The following OTOF variants were observed in gnomAD, a reference collection of about 807,000 sequenced individuals.
OTOF encodes fer-1-like family member 2.
OTOF carries 218 observed loss-of-function variants against 236.8 expected under a neutral mutation model. That is an observed-to-expected ratio of 0.92 (90% CI 0.82 to 1.03). The LOEUF is 1.03. Ranked by LOEUF, OTOF falls within the 50% of genes least tolerant of loss-of-function variation. OTOF has a pLI of 0.00. For missense variants in OTOF, 2,590 were observed against 2,694.4 expected, an observed-to-expected ratio of 0.96 and a Z score of 0.86; for synonymous variants, 1,041 against 1,072.5, an observed-to-expected ratio of 0.97 and a Z score of 0.57.
chr2:26,525,942 C>A (rs1238044950), intron 3 of OTOF, among the ~76,000 whole-genome samples: 1 of 152,042 alleles, frequency 6.6e-6, no homozygotes, highest in Non-Finnish European at 1.5e-5. Context: ...CAAAAATTAG[C>A]TGGGCACGGT....
At chr2:26,468,892 G>C (rs952289422) in intron 32 of OTOF, among the ~76,000 whole-genome samples, 3 of 152,060 alleles carry the variant, frequency 2.0e-5, no homozygotes, top group Non-Finnish European at 4.4e-5. Context: ...TCACACACCG[G>C]GGCCTGTGGT....
chr2:26,543,778 G>A (rs148182385), intron 1 of OTOF, among the ~76,000 whole-genome samples: 5 of 152,234 alleles, frequency 3.3e-5, no homozygotes, highest in South Asian at 4.2e-4. Context: ...GTGCAGTGGC[G>A]TAATCTCCGC....
intron 3 of OTOF, among the ~76,000 whole-genome samples, chr2:26,523,973 G>A (rs1430808258): frequency 6.6e-6 from 1 of 152,208 alleles, no homozygotes; most frequent in Non-Finnish European, 1.5e-5. Context: ...GCTGGCCTGT[G>A]TCAGCCTGGG....
intron 5 of OTOF, among the ~76,000 whole-genome samples, chr2:26,511,225 A>T (rs1666381161): frequency 6.6e-6 from 1 of 152,050 alleles, no homozygotes. Context: ...CCTCTAGGGG[A>T]ACAGTGGGCT....
rs764717002 is a variant in OTOF at position 26,527,878 on chromosome 2, T to A, written c.181A>T (p.Met61Leu). ...TAGTTGAAAACCTGAATCTCCAGCA[T>A]CTCATTTCTGTCGATGCTGCTGGCC... Reference protein sequence around the residue: ...PVASSIDRNEMLEIQVFNYSK... With the variant: ...PVASSIDRNELLEIQVFNYSK... Residue 61 changes from methionine (M) to leucine (L), a missense_variant, in exon 3 of 47, where the codon ATG (methionine) becomes TTG (leucine). Coordinates refer to ENST00000272371, the MANE Select transcript of OTOF (RefSeq NM_194248.3). 6.2e-7 allele frequency: 1 copy of A among 1,614,120 alleles called. No individual in the cohort carries two copies. The highest frequency in any genetic ancestry group is 1.1e-5 in the South Asian group (1 of 91,078).
At chr2:26,480,332 G>A (rs1665498190) in intron 15 of OTOF, 21 bp from the exon 16 acceptor site, 1 of 1,436,872 alleles carries the variant, frequency 7.0e-7, no homozygotes, top group South Asian at 1.1e-5. Context: ...GCAGTTCAAA[G>A]CGTTCCTGAG....
intron 1 of OTOF, among the ~76,000 whole-genome samples, chr2:26,554,130 T>C (rs1441221685): frequency 7.6e-6 from 1 of 131,368 alleles, no homozygotes; most frequent in Non-Finnish European, 1.5e-5. Flanking sequence ...GAGATCGCAC[T>C]GCACTGCACT....
Position 26,473,937 on chromosome 2 carries a change from C to A in OTOF, c.3408+54G>T. On this transcript the variant is annotated intron_variant, in intron 27 of 46. Coordinates refer to ENST00000272371, the MANE Select transcript of OTOF (RefSeq NM_194248.3). The surrounding 1 kb of genome is among the most constrained non-coding windows in gnomAD (Gnocchi z 7.2). ...GGGGGATGACAAGCCACTTCCCCTC[C>A]TGGGTCCTCAGACTCCTCATCCAAA... 2 of 1,610,634 alleles carry A rather than the reference C, an allele frequency of 1.2e-6. No homozygotes were observed. The highest frequency in any genetic ancestry group is 1.7e-6 in the Non-Finnish European group (2 of 1,178,226).
intron 7 of OTOF, 72 bp downstream of exon 7, chr2:26,502,228 C>G (rs1666130094): frequency 2.6e-6 from 4 of 1,563,026 alleles, no homozygotes; most frequent in Non-Finnish European, 3.5e-6. Context: ...TACCCAAATT[C>G]CAATCATGGC....
rs770173408 is a variant in OTOF at position 26,537,670 on chromosome 2, C to T, written c.138+46G>A. 33 of 1,465,698 alleles carry T rather than the reference C, an allele frequency of 2.3e-5. No homozygotes were observed. In the Middle Eastern group the frequency reaches 1.6e-3, roughly 71 times the overall value. The allele number at this position is 1,465,698 out of a possible 1,614,324, so 90.8% of individuals were successfully genotyped here. The stretch of plus-strand genomic sequence containing the variant: ...AGAGGCAGCGAAGGGTGGCTGTTCC[C>T]CTCTGGGCTCAGGGCTGAGGGAGGG... On this transcript the variant is annotated intron_variant, in intron 2 of 46. Transcript: ENST00000272371.
In OTOF at chr2:26,476,147, G is replaced by C; in HGVS notation, c.2847C>G (p.Pro949=). The change falls in exon 23 of 47, where the codon CCC becomes CCG. Residue 949 remains proline, a synonymous_variant. Coordinates refer to ENST00000272371, the MANE Select transcript of OTOF (RefSeq NM_194248.3). ...AQGLGLHAFP[P]VSLVYTKKQA... ...ACTCACTGGTGTAGACCAGGCTGAC[G>C]GGTGGGAAGGCATGCAGGCCCAGGC... 1.2e-6 allele frequency: 2 copies of C among 1,611,190 alleles called. No individual in the cohort carries two copies. The highest frequency in any genetic ancestry group is 1.7e-6 in the Non-Finnish European group (2 of 1,179,438).
In OTOF at chr2:26,466,716, G is replaced by T; in HGVS notation, c.4498C>A (p.Arg1500=). 1 of 1,614,150 alleles carries T rather than the reference G, an allele frequency of 6.2e-7. No homozygotes were observed. The highest frequency in any genetic ancestry group is 8.5e-7 in the Non-Finnish European group (1 of 1,180,010). ...INVLVRVYVV[R]ATDLHPADIN... ...AGGGAAAGCGACGGGAGTCTCACCC[G>T]GACCACATAGACTCGGACCAGCACA... The change falls in exon 36 of 47, where the codon CGG becomes AGG. Residue 1500 remains arginine, a splice_region_variant and synonymous_variant. Transcript: ENST00000272371.
intron 36 of OTOF, chr2:26,466,359 CAG>C (rs1664726490): frequency 1.9e-6 from 1 of 519,188 alleles, no homozygotes; most frequent in African/African-American, 1.9e-5. Context: ...TCCTTTGAGA[CAG>C]AGTCTCGCTC....
chr2:26,474,448 A>G (rs1393577223), intron 26 of OTOF, 65 bp downstream of exon 26: 12 of 512,002 alleles, frequency 2.3e-5, no homozygotes, highest in Non-Finnish European at 3.2e-5. Flanking sequence ...TCCAGCCCCC[A>G]GCCCTAGGCC....
In OTOF at chr2:26,460,701, T is replaced by C; in HGVS notation, c.5759A>G (p.Glu1920Gly). 2.5e-6 allele frequency: 4 copies of C among 1,614,184 alleles called. No homozygotes were observed. Among genetic ancestry groups the C allele is most frequent in the Non-Finnish European group, 3.4e-6 (4 of 1,180,016 alleles). Reference protein sequence around the residue: ...ELHLLTAEEAEKNPVGLARNE... With the variant: ...ELHLLTAEEAGKNPVGLARNE... ...GCGGGCCAGGCCCACTGGGTTCTTC[T>C]CTGCCTCCTCTGCTGTCAGTAAATG... Residue 1920 changes from glutamate to glycine, a missense_variant, in exon 45 of 47, where the codon GAG (glutamate) becomes GGG (glycine). Physicochemically the swap from Glu to Gly is moderately conservative, Grantham distance 98. Around this residue, in one of 2 missense-constraint regions of OTOF, gnomAD observed 1,211 missense variants for 1,352.8 expected, o/e 0.90. Coordinates refer to ENST00000272371, the MANE Select transcript of OTOF (RefSeq NM_194248.3). The surrounding 1 kb of genome is among the most constrained non-coding windows in gnomAD (Gnocchi z 5.3).
At chr2:26,497,956 A>G (rs1558500124) in intron 8 of OTOF, among the ~76,000 whole-genome samples, 1 of 152,146 alleles carries the variant, frequency 6.6e-6, no homozygotes, top group East Asian at 1.9e-4. Context: ...AACCCCATGA[A>G]TTTTTCCACA....
In OTOF at chr2:26,470,253, A is replaced by G. The variant is rs1664912348; in HGVS notation, c.4023+340T>C. 6.6e-6 allele frequency among the ~76,000 whole-genome samples: 1 copy of G among 152,074 alleles called. No homozygotes were observed. On this transcript the variant is annotated intron_variant, in intron 32 of 46. Transcript: ENST00000272371. This position sits in a 1 kb window ranked among gnomAD's most constrained non-coding sequence, Gnocchi z 4.3. ...TAGTCCTCTCTAAGTCTCTGTTTACATGTCCATTTTGCCCAGTAAACCGGA... is the reference window on the plus strand; with the variant it reads ...TAGTCCTCTCTAAGTCTCTGTTTACGTGTCCATTTTGCCCAGTAAACCGGA...
rs762556724 is a variant in OTOF, at chr2:26,467,192, C to G, written c.4269G>C (p.Glu1423Asp). Residue 1423 changes from glutamate to aspartate, a missense_variant, in exon 35 of 47, where the codon GAG (glutamate) becomes GAC (aspartate). Glu to Asp is a conservative substitution (Grantham distance 45). Around this residue, in one of 2 missense-constraint regions of OTOF, gnomAD observed 1,211 missense variants for 1,352.8 expected, o/e 0.90. Transcript: ENST00000272371. ...KELESEFDNF[E>D]DWLHTFNLLR... Reference sequence around the variant, plus strand: ...GCAAGTTGAAAGTGTGCAGCCAGTCCTCAAAGTTATCAAACTCGGACTCCA... The same window carrying G: ...GCAAGTTGAAAGTGTGCAGCCAGTCGTCAAAGTTATCAAACTCGGACTCCA... The G allele has an allele frequency of 3.7e-6, 6 of 1,614,140 alleles. No individual in the cohort carries two copies. The Admixed American group carries it at 5.0e-5, about 13-fold the overall frequency.
At chr2:26,545,821 A>G (rs1667316620) in intron 1 of OTOF, among the ~76,000 whole-genome samples, 1 of 152,198 alleles carries the variant, frequency 6.6e-6, no homozygotes, top group South Asian at 2.1e-4. Flanking sequence ...TTTTATATGT[A>G]CAGAGTTTAT....
Sources: allele counts gnomAD v4.1 joint callset (sites outside exome capture counted in the v4.1 genomes callset), GRCh38; gene constraint gnomAD v4.1.1; regional missense constraint gnomAD v4.1.1; non-coding constraint Gnocchi (gnomAD v3.1); transcripts MANE v1.5; gene names NCBI Gene and HGNC (gene_info 2026-07-23, HGNC 2026-07-21).